MICU1: variants seen among roughly 807,000 people sequenced by gnomAD.
The protein encoded by MICU1 is calcium uptake protein 1, mitochondrial.
In MICU1, 45 loss-of-function variants were observed where a neutral mutation model predicts 56.8. The ratio of observed to expected loss-of-function variants is 0.79; its 90% confidence interval spans 0.62 to 1.02. The LOEUF is 1.02. Among genes scored for constraint, MICU1 ranks in the 50% least tolerant of loss-of-function variants. The pLI is 0.00. For synonymous variants in MICU1, 186 were observed against 195.1 expected, an observed-to-expected ratio of 0.95 and a Z score of 0.39; for missense variants, 504 against 587.1, an observed-to-expected ratio of 0.86 and a Z score of 1.46.
At chr10:72,495,748 T>A (rs980299944) in intron 6 of MICU1, among the ~76,000 whole-genome samples, 10 of 151,906 alleles carry the variant, frequency 6.6e-5, no homozygotes, top group Non-Finnish European at 1.3e-4. Flanking sequence ...ACTCTTTAGA[T>A]GTGACTAAGT....
At chr10:72,544,517 T>G (rs7893207) in intron 4 of MICU1, among the ~76,000 whole-genome samples, 4 of 151,986 alleles carry the variant, frequency 2.6e-5, no homozygotes, top group Non-Finnish European at 4.4e-5. Flanking sequence ...GGAAAGAAAA[T>G]AGAGATCCTC....
At chr10:72,395,482 G>A (rs561630139) in intron 10 of MICU1, among the ~76,000 whole-genome samples, 11 of 152,210 alleles carry the variant, frequency 7.2e-5, no homozygotes, top group Middle Eastern at 3.4e-3. Flanking sequence ...GCGGGGCGTC[G>A]CCTCACCTGG....
At chr10:72,504,557 A>C (rs1204914731) in intron 6 of MICU1, among the ~76,000 whole-genome samples, 1 of 152,208 alleles carries the variant, frequency 6.6e-6, no homozygotes, top group Non-Finnish European at 1.5e-5. Context: ...CATTCTAGAC[A>C]TCAACTTTGG....
At chr10:72,572,260 G>A (rs575275875) in intron 1 of MICU1, among the ~76,000 whole-genome samples, 9 of 152,228 alleles carry the variant, frequency 5.9e-5, no homozygotes, top group Non-Finnish European at 5.9e-5. Context: ...TTTCATTTAG[G>A]AGAAAAGACT....
At position 72,477,263 on chromosome 10, in the gene MICU1, A is replaced by T; in HGVS notation, c.653-7T>A. 6.5e-7 allele frequency: 1 copy of T among 1,531,656 alleles called. No homozygotes were observed. Among genetic ancestry groups the T allele is most frequent in the East Asian group, 2.4e-5 (1 of 40,932 alleles). The allele number at this position is 1,531,656 out of a possible 1,614,324, so 94.9% of individuals were successfully genotyped here. The stretch of plus-strand genomic sequence containing the variant: ...TCAAAATTTCTCTGAGGAGCTGCAG[A>T]GGAGAGAAAAAAAATATTTAGAAGG... On this transcript the variant is annotated splice_region_variant and splice_polypyrimidine_tract_variant and intron_variant, in intron 6 of 11. Transcript: ENST00000361114.
chr10:72,605,067 G>A (rs1314331376), intron 1 of MICU1, among the ~76,000 whole-genome samples: 1 of 152,180 alleles, frequency 6.6e-6, no homozygotes, highest in Non-Finnish European at 1.5e-5. Context: ...TGGCAGGACT[G>A]GTTTCATAAG....
chr10:72,622,342 T>C (rs1194131890), intron 1 of MICU1, among the ~76,000 whole-genome samples: 1 of 152,144 alleles, frequency 6.6e-6, no homozygotes, highest in Non-Finnish European at 1.5e-5. Context: ...TCAATTTTTC[T>C]TTAGGAACTG....
chr10:72,583,571 C>T (rs1840964165), intron 1 of MICU1, among the ~76,000 whole-genome samples: 1 of 152,038 alleles, frequency 6.6e-6, no homozygotes, highest in African/African-American at 2.4e-5. Flanking sequence ...AGCCACCTCG[C>T]CTGGCCTGAA....
intron 1 of MICU1, among the ~76,000 whole-genome samples, chr10:72,577,685 A>G (rs1313374817): frequency 6.6e-6 from 1 of 152,196 alleles, no homozygotes; most frequent in African/African-American, 2.4e-5. Context: ...CAGTCCTGCT[A>G]GCGTCAAAAA....
At chr10:72,431,140 C>CTATCTATCT (rs1554867934) in intron 8 of MICU1, among the ~76,000 whole-genome samples, 2 of 148,340 alleles carry the variant, frequency 1.3e-5, no homozygotes. Context: ...ATCTATCTAT[C>CTATCTATCT]TATTTTCTGA....
intron 10 of MICU1, among the ~76,000 whole-genome samples, chr10:72,389,290 T>C (rs1457741662): frequency 6.6e-6 from 1 of 152,226 alleles, no homozygotes; most frequent in Non-Finnish European, 1.5e-5. Context: ...GAGGCTCCCT[T>C]ACTCATTCCA....
intron 4 of MICU1, among the ~76,000 whole-genome samples, chr10:72,535,225 T>C (rs1164540527): frequency 6.6e-6 from 1 of 151,562 alleles, no homozygotes. Flanking sequence ...AGATGGGGTT[T>C]TGCCAGGTTG....
At chr10:72,532,795 G>T in intron 5 of MICU1, 2 of 946,248 alleles carry the variant, frequency 2.1e-6, no homozygotes, top group Non-Finnish European at 2.5e-6. Flanking sequence ...TTTTAGGCAG[G>T]TGGCCTTAGC....
At chr10:72,451,724 A>G (rs1211642493) in intron 8 of MICU1, among the ~76,000 whole-genome samples, 1 of 151,868 alleles carries the variant, frequency 6.6e-6, no homozygotes, top group Non-Finnish European at 1.5e-5. Context: ...AAAATTTTTT[A>G]TAGAGACAGG....
At chr10:72,516,057 A>C (rs1440391785) in intron 5 of MICU1, among the ~76,000 whole-genome samples, 4 of 152,166 alleles carry the variant, frequency 2.6e-5, no homozygotes, top group Non-Finnish European at 5.9e-5. Flanking sequence ...ATATATAATA[A>C]ATGTAAAAGT....
intron 5 of MICU1, among the ~76,000 whole-genome samples, chr10:72,515,428 G>A (rs1867617691): frequency 6.6e-6 from 1 of 152,130 alleles, no homozygotes; most frequent in African/African-American, 2.4e-5. Context: ...AAAGGCACAG[G>A]TGAGTTATAT....
intron 9 of MICU1, among the ~76,000 whole-genome samples, chr10:72,421,348 C>A (rs1179613881): frequency 1.3e-5 from 2 of 152,038 alleles, no homozygotes. Flanking sequence ...CTCCGCCTCC[C>A]TCTGCACCCT....
chr10:72,480,935 CTCTG>C (rs1275057229), intron 6 of MICU1, among the ~76,000 whole-genome samples: 24 of 152,294 alleles, frequency 1.6e-4, no homozygotes, highest in African/African-American at 5.8e-4. Flanking sequence ...CTTGAGGTTT[CTCTG>C]TCTTTTTATC....
intron 10 of MICU1, among the ~76,000 whole-genome samples, chr10:72,396,560 T>A (rs1242623208): frequency 6.6e-6 from 1 of 152,100 alleles, no homozygotes; most frequent in Non-Finnish European, 1.5e-5. Flanking sequence ...GAATGGCTAA[T>A]TAGAATAAAC....
Sources: gnomAD v4.1 joint callset for allele counts (sites outside exome capture counted in the v4.1 genomes callset) on GRCh38, gnomAD v4.1.1 for gene constraint, MANE v1.5 for transcripts, NCBI Gene and HGNC (gene_info 2026-07-23, HGNC 2026-07-21) for gene names.